CSMD1: variants seen among roughly 807,000 people sequenced by gnomAD.
CSMD1 encodes CUB and sushi domain-containing protein 1.
Under a neutral mutation model 417.5 loss-of-function variants are expected in CSMD1, and 213 were observed. That is an observed-to-expected ratio of 0.51 (90% CI 0.46 to 0.57). CSMD1 has a LOEUF of 0.57. Among genes scored for constraint, CSMD1 ranks in the 20% least tolerant of loss-of-function variants. The pLI is 0.00. For synonymous variants in CSMD1, 2,862 were observed against 1,736.8 expected (o/e 1.65, Z -16.11); for missense variants, 6,923 against 4,529.7 (o/e 1.53, Z -15.17).
chr8:4,172,674 T>G (rs1356149197), intron 3 of CSMD1, among the ~76,000 whole-genome samples: 1 of 152,166 alleles, frequency 6.6e-6, no homozygotes, highest in Non-Finnish European at 1.5e-5. Context: ...CTGGACCAGG[T>G]GTTTCACACA....
In CSMD1 at chr8:2,973,181, C is replaced by T. The variant is rs1483883606; in HGVS notation, c.8859G>A (p.Arg2953=). ...GCAAACACGTGCGTTCAGGGGAGCC[C>T]CTCAGCTGGTGCCCCATTTCACAGG... ...RFSCEMGHQL[R]GSPERTCLLN... Residue 2953 remains arginine (R), a synonymous_variant, in exon 57 of 70, where the codon AGG becomes AGA. Coordinates refer to ENST00000635120, the MANE Select transcript of CSMD1 (RefSeq NM_033225.6). The T allele has an allele frequency of 6.2e-7, 1 of 1,613,820 alleles. No homozygotes were observed. Among genetic ancestry groups the T allele is most frequent in the South Asian group, 1.1e-5 (1 of 91,058 alleles).
At chr8:4,917,642 T>C (rs1324067097) in intron 1 of CSMD1, among the ~76,000 whole-genome samples, 1 of 129,324 alleles carries the variant, frequency 7.7e-6, no homozygotes, top group Non-Finnish European at 1.6e-5. Flanking sequence ...TCAAAATAAA[T>C]AAATAAATGA....
rs554497765 is a variant in CSMD1, at chr8:4,764,852, G to A, written c.86-127294C>T. On this transcript the variant is annotated intron_variant, in intron 1 of 69. Transcript: ENST00000635120. ...CGCGCCACTGCACTCCAGCCTGGGC[G>A]ACAGAGCGAGACTCCATCTCAAAAA... is the stretch of plus-strand genomic sequence containing the variant. Among the ~76,000 whole-genome samples the A allele has an allele frequency of 4.2e-3, 302 of 72,140 alleles. 2 individuals are homozygous for A. Among genetic ancestry groups the A allele is most frequent in the African/African-American group, 0.016 (283 of 17,288 alleles). 47.3% of individuals were successfully genotyped at this position (72,140 alleles called of 152,430 possible). A position where few individuals can be genotyped will look rare whatever the true frequency, so the allele number is the denominator to read the frequency against.
chr8:2,984,422 C>T (rs1323511272), intron 54 of CSMD1, among the ~76,000 whole-genome samples: 1 of 151,996 alleles, frequency 6.6e-6, no homozygotes, highest in Non-Finnish European at 1.5e-5. Flanking sequence ...TATCTTGGCT[C>T]ACTGCAACCT....
chr8:4,822,201 G>A (rs530053466), intron 1 of CSMD1, among the ~76,000 whole-genome samples: 7 of 152,188 alleles, frequency 4.6e-5, no homozygotes, highest in Admixed American at 4.6e-4. Context: ...AAATAAAATT[G>A]TGTGTGATTC....
At chr8:4,512,786 C>G (rs1323206522) in intron 2 of CSMD1, among the ~76,000 whole-genome samples, 4 of 120,254 alleles carry the variant, frequency 3.3e-5, no homozygotes, top group African/African-American at 7.6e-5. Flanking sequence ...AAAAAAATAA[C>G]TAAACAAAGA....
intron 26 of CSMD1, among the ~76,000 whole-genome samples, chr8:3,272,037 T>A (rs1413565607): frequency 6.6e-6 from 1 of 151,540 alleles, no homozygotes; most frequent in Non-Finnish European, 1.5e-5. Context: ...ATGCCTAGGT[T>A]TTCTTCTAGG....
chr8:3,847,087 T>C (rs1309663489), intron 5 of CSMD1, among the ~76,000 whole-genome samples: 1 of 152,042 alleles, frequency 6.6e-6, no homozygotes, highest in Non-Finnish European at 1.5e-5. Context: ...GAAGGCAGGA[T>C]CCTAAGAGGA....
At chr8:4,853,964 T>A (rs1801637715) in intron 1 of CSMD1, among the ~76,000 whole-genome samples, 1 of 150,700 alleles carries the variant, frequency 6.6e-6, no homozygotes, top group Non-Finnish European at 1.5e-5. Context: ...CTTTTGGCCA[T>A]TTTTTTTCCT....
chr8:4,374,952 A>C (rs1175781355), intron 3 of CSMD1, among the ~76,000 whole-genome samples: 1 of 2,036 alleles, frequency 4.9e-4, no homozygotes, highest in Non-Finnish European at 8.5e-4. Flanking sequence ...TAAACAGACA[A>C]AGGTGGGGTG....
intron 5 of CSMD1, among the ~76,000 whole-genome samples, chr8:3,884,881 A>AAATT (rs1181333106): frequency 6.6e-6 from 1 of 150,572 alleles, no homozygotes; most frequent in Admixed American, 6.7e-5. Flanking sequence ...GCTACCATAA[A>AAATT]AATTATAACT....
At chr8:3,294,031 T>A (rs1158127091) in intron 25 of CSMD1, among the ~76,000 whole-genome samples, 1 of 152,158 alleles carries the variant, frequency 6.6e-6, no homozygotes, top group East Asian at 1.9e-4. Flanking sequence ...TGTTTGTTAG[T>A]TTTCCTTCTA....
At chr8:4,560,494 T>G (rs1024725590) in intron 2 of CSMD1, among the ~76,000 whole-genome samples, 2 of 152,194 alleles carry the variant, frequency 1.3e-5, no homozygotes, top group Non-Finnish European at 2.9e-5. Flanking sequence ...CTGAATATCC[T>G]CTGACACCCA....
rs1156553944 is a variant in CSMD1 at position 3,468,771 on chromosome 8, C to A, written c.1502G>T (p.Trp501Leu). The A allele has an allele frequency of 1.2e-6, 2 of 1,606,816 alleles. No individual in the cohort carries two copies. The highest frequency in any genetic ancestry group is 3.4e-5 in the Admixed American group (2 of 59,222). Residue 501 changes from tryptophan to leucine, a missense_variant, in exon 12 of 70, where the codon TGG becomes TTG. Trp to Leu is a moderately conservative substitution (Grantham distance 61). Transcript: ENST00000635120. ...GCTATCATCCGACTGCAGATGTAGC[C>A]ACATCTGGTTGCTCATGCTCACAAT... ...DLIVSMSNQM[W>L]LHLQSDDSIG...
intron 32 of CSMD1, 118 bp from the exon 33 acceptor site, chr8:3,199,927 T>C: frequency 1.6e-6 from 1 of 613,714 alleles, no homozygotes; most frequent in Non-Finnish European, 2.9e-6. Context: ...TTTTAAAACA[T>C]TTTCACTTTA....
chr8:4,661,388 C>G (rs866315177), intron 1 of CSMD1, among the ~76,000 whole-genome samples: 6 of 152,156 alleles, frequency 3.9e-5, no homozygotes, highest in South Asian at 2.1e-4. Context: ...AGCCAATCCT[C>G]AAACGTTGTA....
At position 4,874,530 on chromosome 8, in the gene CSMD1, C is replaced by T. The variant is rs549751993; in HGVS notation, c.85+119802G>A. ...TCAGCCTCCTGAGCAGCTGGGATTA[C>T]GGGTGCCTGCCACCTCTCCCGGCTA... On this transcript the variant is annotated intron_variant, in intron 1 of 69. Transcript: ENST00000635120. Among the ~76,000 whole-genome samples the T allele has an allele frequency of 7.2e-4, 109 of 151,380 alleles. 1 individual carries two copies. The highest frequency in any genetic ancestry group is 1.6e-3 in the Admixed American group (25 of 15,176).
Position 4,402,800 on chromosome 8 carries a change from CTTTTTTTTTTTTTTTTTT to C in CSMD1, c.415+17135_415+17152del, listed in dbSNP as rs60965667. On this transcript the variant is annotated intron_variant, in intron 3 of 69. Coordinates refer to ENST00000635120, the MANE Select transcript of CSMD1 (RefSeq NM_033225.6). ...GTGAGTATAATGTCCTCACTTTTTT[CTTTTTTTTTTTTTTTTTT>C]TTCTTTTTTTTTTTTTTTTGGAGAC... Among the ~76,000 whole-genome samples the C allele has an allele frequency of 4.5e-5, 4 of 89,370 alleles. No homozygotes were observed. In the Admixed American group the frequency reaches 5.0e-4, roughly 11 times the overall value. The allele number at this position is 89,370 out of a possible 152,430, so 58.6% of individuals were successfully genotyped here.
At chr8:4,914,689 A>C (rs1455422758) in intron 1 of CSMD1, among the ~76,000 whole-genome samples, 1 of 152,126 alleles carries the variant, frequency 6.6e-6, no homozygotes, top group Non-Finnish European at 1.5e-5. Context: ...GTGAAAATGA[A>C]CTCGGAAAAG....
Sources: gnomAD v4.1 joint callset for allele counts (sites outside exome capture counted in the v4.1 genomes callset) on GRCh38, gnomAD v4.1.1 for gene constraint, MANE v1.5 for transcripts, NCBI Gene and HGNC (gene_info 2026-07-23, HGNC 2026-07-21) for gene names.